Variants in CACNA1A observed in about 807,000 individuals in gnomAD.
CACNA1A encodes the protein calcium voltage-gated channel subunit alpha1 A, also known as voltage-dependent P/Q-type calcium channel subunit alpha-1A.
Under a neutral mutation model 262.4 loss-of-function variants are expected in CACNA1A, and 57 were observed. That is an observed-to-expected ratio of 0.22 (90% confidence interval 0.18 to 0.27). The LOEUF is 0.27. Ranked by LOEUF, CACNA1A falls within the 10% of genes least tolerant of loss-of-function variation. The pLI is 1.00. For missense variants in CACNA1A, 2,526 were observed against 3,562.8 expected, an observed-to-expected ratio of 0.71 and a Z score of 7.41; for synonymous variants, 1,431 against 1,419.3, an observed-to-expected ratio of 1.01 and a Z score of -0.18.
chr19:13,413,064 A>C (rs1051391504), intron 3 of CACNA1A, among the ~76,000 whole-genome samples: 1 of 151,594 alleles, frequency 6.6e-6, no homozygotes, highest in Non-Finnish European at 1.5e-5. Context: ...CAGCCTGGGC[A>C]ACCTAGCAAG....
chr19:13,389,123 G>A (rs1315846557), intron 3 of CACNA1A, among the ~76,000 whole-genome samples: 1 of 152,110 alleles, frequency 6.6e-6, no homozygotes, highest in Non-Finnish European at 1.5e-5. Flanking sequence ...GGCTGGTCTC[G>A]AACTCCTGAC....
chr19:13,230,263 A>G lies in CACNA1A; in HGVS notation c.5401-54T>C, dbSNP rs2055616737. On this transcript the variant is annotated intron_variant, in intron 35 of 46. Coordinates refer to ENST00000360228, the MANE Select transcript of CACNA1A (RefSeq NM_001127222.2). The stretch of plus-strand genomic sequence containing the variant: ...ATGGGGGCAGAGACCGAGGGAATGA[A>G]TGAGTGAGTGAGAAGGATACAGACA... 12 of 1,598,474 alleles carry G rather than the reference A, an allele frequency of 7.5e-6. No homozygotes were observed. In the Admixed American group the frequency reaches 8.4e-5, roughly 11 times the overall value.
chr19:13,505,252 A>C (rs758193159), intron 1 of CACNA1A, among the ~76,000 whole-genome samples: 1 of 152,128 alleles, frequency 6.6e-6, no homozygotes, highest in Non-Finnish European at 1.5e-5. Flanking sequence ...ACCTGCACAC[A>C]TGAGGGAAAC....
At chr19:13,358,707 C>T (rs2059050203) in intron 6 of CACNA1A, among the ~76,000 whole-genome samples, 1 of 152,186 alleles carries the variant, frequency 6.6e-6, no homozygotes, top group Non-Finnish European at 1.5e-5. Flanking sequence ...ACATCCCTAA[C>T]ATTTTTAAGA....
intron 7 of CACNA1A, 100 bp from the exon 8 acceptor site, chr19:13,334,593 T>TG (rs1568545428): frequency 3.1e-5 from 16 of 508,098 alleles, no homozygotes; most frequent in South Asian, 2.1e-4. Context: ...GTGTGTGTGT[T>TG]TGTGTGTGTG....
intron 9 of CACNA1A, among the ~76,000 whole-genome samples, chr19:13,331,483 C>T (rs10405803): frequency 0.012 from 1,784 of 152,070 alleles, 33 homozygotes; most frequent in African/African-American, 0.041. Flanking sequence ...GTGATCCACC[C>T]GCCTTGGCCT....
At chr19:13,413,871 A>G (rs1049499644) in intron 3 of CACNA1A, among the ~76,000 whole-genome samples, 3 of 125,330 alleles carry the variant, frequency 2.4e-5, no homozygotes, top group African/African-American at 1.2e-4. Context: ...ACAGAGCCAG[A>G]CTCTGTCAAG....
intron 22 of CACNA1A, 106 bp from the exon 23 acceptor site, chr19:13,277,234 A>G (rs961680195): frequency 6.7e-6 from 5 of 744,200 alleles, no homozygotes; most frequent in Non-Finnish European, 1.2e-5. Flanking sequence ...TACCCAGAAG[A>G]GGAAACACAG....
Position 13,294,881 on chromosome 19 carries a change from T to C in CACNA1A, c.3089+3663A>G, listed in dbSNP as rs536921518. ...CTCCCGTTTTGATCTCTCATTCCCC[T>C]GAGTGACTGACAGCCCCAGAGTCTC... On this transcript the variant is annotated intron_variant, in intron 19 of 46. Transcript: ENST00000360228. Among the ~76,000 whole-genome samples, 5 of 152,296 alleles carry C rather than the reference T, an allele frequency of 3.3e-5. No homozygotes were observed. The East Asian group carries it at 5.8e-4, about 18-fold the overall frequency.
intron 1 of CACNA1A, among the ~76,000 whole-genome samples, chr19:13,463,701 A>T (rs1376444794): frequency 6.6e-6 from 1 of 152,236 alleles, no homozygotes. Flanking sequence ...AGAGAAAATT[A>T]AAAACAGTAT....
rs1568709562 is a variant in CACNA1A at position 13,497,517 on chromosome 19, AAAAAATATATATATATATATATAT to A, written c.293+8391_293+8414del. On this transcript the variant is annotated intron_variant, in intron 1 of 46. Transcript: ENST00000360228. ...AAAAAAAAAAAAAAAAAAAAAAAAA[AAAAAATATATATATATATATATAT>A]ATATATATATATATATATATATATA... Among the ~76,000 whole-genome samples, 108 of 27,522 alleles carry A rather than the reference AAAAAATATATATATATATATATAT, an allele frequency of 3.9e-3. 6 individuals are homozygous for A. The highest frequency in any genetic ancestry group is 5.8e-3 in the South Asian group (3 of 518). The allele number at this position is 27,522 out of a possible 152,430, so 18.1% of individuals were successfully genotyped here.
intron 3 of CACNA1A, among the ~76,000 whole-genome samples, chr19:13,378,795 G>A (rs1568588289): frequency 6.6e-6 from 1 of 151,504 alleles, no homozygotes. Context: ...AGCCTCCCGA[G>A]TAGCTGGGCT....
chr19:13,319,780 C>G (rs1342812742), intron 10 of CACNA1A, among the ~76,000 whole-genome samples: 2 of 152,162 alleles, frequency 1.3e-5, no homozygotes, highest in African/African-American at 4.8e-5. Context: ...CTGCAGGGAA[C>G]ATGTTTTATA....
At chr19:13,257,325 G>C in intron 28 of CACNA1A, 25 bp downstream of exon 28, 2 of 1,596,890 alleles carry the variant, frequency 1.3e-6, no homozygotes, top group Non-Finnish European at 1.7e-6. Flanking sequence ...AGTTTTTAAA[G>C]GACAGATGGA....
Position 13,234,996 on chromosome 19 carries a change from C to T in CACNA1A, c.5174G>A (p.Ser1725Asn), listed in dbSNP as rs766254024. 1.9e-6 allele frequency: 3 copies of T among 1,613,844 alleles called. No individual in the cohort carries two copies. The highest frequency in any genetic ancestry group is 2.7e-5 in the African/African-American group (2 of 74,946). The stretch of plus-strand genomic sequence containing the variant: ...AGTGATTTGGAACTCATCTTCATCA[C>T]TGTCCTCGTCCTCCACGTCGATGCC... Reference protein sequence around the residue: ...NIGIDVEDEDSDEDEFQITEH... With the variant: ...NIGIDVEDEDNDEDEFQITEH... The change falls in exon 34 of 47, where the codon AGT becomes AAT. Residue 1725 changes from serine to asparagine, a missense_variant. Coordinates refer to ENST00000360228, the MANE Select transcript of CACNA1A (RefSeq NM_001127222.2).
intron 3 of CACNA1A, among the ~76,000 whole-genome samples, chr19:13,423,079 T>C (rs533027619): frequency 2.6e-5 from 4 of 152,206 alleles, no homozygotes; most frequent in Admixed American, 2.0e-4. Context: ...TCTTACAACC[T>C]TGAAGCTACT....
intron 3 of CACNA1A, among the ~76,000 whole-genome samples, chr19:13,421,942 AAAG>A (rs1427586101): frequency 6.6e-6 from 1 of 152,176 alleles, no homozygotes; most frequent in African/African-American, 2.4e-5. Context: ...CAAAGGGTGG[AAAG>A]AAGAAGAGTA....
chr19:13,350,213 G>A (rs1461182024), intron 6 of CACNA1A, among the ~76,000 whole-genome samples: 1 of 152,188 alleles, frequency 6.6e-6, no homozygotes, highest in Non-Finnish European at 1.5e-5. Flanking sequence ...GCCTCCTAGA[G>A]CAGAGCCTCT....
rs55839906 is a variant in CACNA1A at position 13,453,043 on chromosome 19, G to A, written c.400-28C>T. The A allele has an allele frequency of 0.031, 49,661 of 1,612,984 alleles. 881 individuals are homozygous for A. The highest frequency in any genetic ancestry group is 0.069 in the Middle Eastern group (416 of 6,050). ...GGAAGGGAGAGAAGGCAAGGTCAGC[G>A]TCTTGGGCTGGGCAGATGTTGACAA... On this transcript the variant is annotated intron_variant, in intron 2 of 46. Coordinates refer to ENST00000360228, the MANE Select transcript of CACNA1A (RefSeq NM_001127222.2).
Sources: allele counts gnomAD v4.1 joint callset (sites outside exome capture counted in the v4.1 genomes callset), GRCh38; gene constraint gnomAD v4.1.1; transcripts MANE v1.5; gene names NCBI Gene and HGNC (gene_info 2026-07-23, HGNC 2026-07-21).